Variants in DRC9 observed in about 807,000 individuals in gnomAD.
The protein encoded by DRC9 is dynein regulatory complex subunit 9, also known as dynein regulatory complex protein 9.
At chr3:197,924,693 T>C in the DRC9 span, among the ~76,000 whole-genome samples, 2 of 152,164 alleles carry the variant, frequency 1.3e-5, no homozygotes, top group Non-Finnish European at 2.9e-5. Flanking sequence ...CTAATTTTTG[T>C]ATTTTGAGTA....
At chr3:197,918,858 G>C in the DRC9 span, among the ~76,000 whole-genome samples, 1 of 152,160 alleles carries the variant, frequency 6.6e-6, no homozygotes, top group Non-Finnish European at 1.5e-5. Flanking sequence ...GTCCAGGCTG[G>C]AGTGCAGTGA....
At chr3:197,930,052 G>A in the DRC9 span, among the ~76,000 whole-genome samples, 1 of 151,978 alleles carries the variant, frequency 6.6e-6, no homozygotes, top group Non-Finnish European at 1.5e-5. Flanking sequence ...TATAATTAAT[G>A]TTCTTAGAAA....
At chr3:197,944,207 CT>C in the DRC9 span, among the ~76,000 whole-genome samples, 158 of 151,862 alleles carry the variant, frequency 1.0e-3, no homozygotes, top group African/African-American at 3.4e-3. Flanking sequence ...GCGTGTGATT[CT>C]GCTAAGTATC....
At chr3:197,942,309 G>A in the DRC9 span, among the ~76,000 whole-genome samples, 4 of 149,374 alleles carry the variant, frequency 2.7e-5, no homozygotes, top group East Asian at 3.9e-4. Context: ...GCATGAACCC[G>A]GGAGGCGGAG....
the DRC9 span, among the ~76,000 whole-genome samples, chr3:197,923,492 G>A: frequency 6.6e-6 from 1 of 152,080 alleles, no homozygotes; most frequent in Non-Finnish European, 1.5e-5. Context: ...GTTATGGGGG[G>A]GCCAAGGCAG....
the DRC9 span, among the ~76,000 whole-genome samples, chr3:197,946,236 C>T: frequency 6.6e-6 from 1 of 151,338 alleles, no homozygotes; most frequent in African/African-American, 2.4e-5. Context: ...GAGATCGAGA[C>T]CATCCTGGCT....
chr3:197,917,419 T>G, the DRC9 span, among the ~76,000 whole-genome samples: 1 of 152,254 alleles, frequency 6.6e-6, no homozygotes, highest in African/African-American at 2.4e-5. Flanking sequence ...ATGACAGTTA[T>G]TCCAACTAGA....
At chr3:197,915,875 T>C in the DRC9 span, among the ~76,000 whole-genome samples, 1 of 152,206 alleles carries the variant, frequency 6.6e-6, no homozygotes, top group South Asian at 2.1e-4. Context: ...GTGATCCACC[T>C]GCCTCGGTCT....
At chr3:197,928,168 A>G in the DRC9 span, among the ~76,000 whole-genome samples, 4 of 152,272 alleles carry the variant, frequency 2.6e-5, no homozygotes, top group South Asian at 6.2e-4. Context: ...GGAGTTAACT[A>G]TCATTGAAAT....
At chr3:197,950,129 T>C in the DRC9 span, 66 of 1,231,660 alleles carry the variant, frequency 5.4e-5, no homozygotes, top group Non-Finnish European at 6.5e-5. Context: ...AGAAGATGCC[T>C]AAATTGAGGG....
At chr3:197,892,776 T>C in the DRC9 span, 28 of 1,613,776 alleles carry the variant, frequency 1.7e-5, no homozygotes, top group African/African-American at 2.7e-5. Context: ...GGAAAGAACA[T>C]GAAAACATGG....
At chr3:197,914,007 T>G in the DRC9 span, 2 of 1,614,180 alleles carry the variant, frequency 1.2e-6, no homozygotes, top group Non-Finnish European at 1.7e-6. Flanking sequence ...TCTCTTGCAG[T>G]TGGTCCTTGA....
At chr3:197,912,951 C>T in the DRC9 span, 5 of 573,600 alleles carry the variant, frequency 8.7e-6, no homozygotes, top group Non-Finnish European at 1.2e-5. Flanking sequence ...GTGTCCCTAA[C>T]GAGACGAGCA....
chr3:197,889,814 CA>C, the DRC9 span: 1 of 1,363,246 alleles, frequency 7.3e-7, no homozygotes, highest in Non-Finnish European at 1.0e-6. Flanking sequence ...TTCTGTCTGA[CA>C]AACAGTCTCT....
chr3:197,951,434 C>T, the DRC9 span: 12 of 1,052,792 alleles, frequency 1.1e-5, no homozygotes, highest in East Asian at 1.5e-4. Flanking sequence ...CTCACCGAAA[C>T]CTCCGCCTCC....
At chr3:197,903,575 G>A in the DRC9 span, among the ~76,000 whole-genome samples, 1 of 152,174 alleles carries the variant, frequency 6.6e-6, no homozygotes, top group Non-Finnish European at 1.5e-5. Context: ...GGCGGAGGTC[G>A]CAGTGAGCCA....
the DRC9 span, among the ~76,000 whole-genome samples, chr3:197,924,293 A>C: frequency 6.7e-6 from 1 of 149,352 alleles, no homozygotes; most frequent in East Asian, 2.0e-4. Flanking sequence ...CAGGAGGCAG[A>C]GGTTTCAGTG....
the DRC9 span, among the ~76,000 whole-genome samples, chr3:197,902,596 C>G: frequency 6.6e-6 from 1 of 151,744 alleles, no homozygotes; most frequent in Non-Finnish European, 1.5e-5. Flanking sequence ...ATCAGAGTCT[C>G]AAGAGCAGAA....
chr3:197,942,602 A>G, the DRC9 span, among the ~76,000 whole-genome samples: 1 of 152,078 alleles, frequency 6.6e-6, no homozygotes, highest in African/African-American at 2.4e-5. Flanking sequence ...GCAATTTTCA[A>G]TGGTCATAGA....
Sources: gnomAD v4.1 joint callset for allele counts (sites outside exome capture counted in the v4.1 genomes callset) on GRCh38, gnomAD v4.1.1 for gene constraint, MANE v1.5 for transcripts, NCBI Gene and HGNC (gene_info 2026-07-23, HGNC 2026-07-21) for gene names.